FRMD5: variants seen among roughly 807,000 people sequenced by gnomAD.
The protein encoded by FRMD5 is FERM domain containing 5, also known as FERM domain-containing protein 5.
A neutral mutation model predicts 69.0 loss-of-function variants in FRMD5; 20 were observed. That is an observed-to-expected ratio of 0.29 (90% CI 0.20 to 0.42). The LOEUF (loss-of-function observed/expected upper bound fraction) is 0.42, where lower values mean the gene tolerates loss of function less well. Among genes scored for constraint, FRMD5 ranks in the 10% least tolerant of loss-of-function variants. The pLI is 1.00. For missense variants in FRMD5, 595 were observed against 708.6 expected (o/e 0.84, Z 1.82); for synonymous variants, 271 against 260.1 (o/e 1.04, Z -0.40).
intron 1 of FRMD5, among the ~76,000 whole-genome samples, chr15:44,119,048 G>A (rs190634675): frequency 3.9e-5 from 6 of 152,112 alleles, no homozygotes; most frequent in Admixed American, 6.5e-5. Flanking sequence ...CTGCAGCCTC[G>A]ACCTCGTGGG....
intron 1 of FRMD5, among the ~76,000 whole-genome samples, chr15:43,935,016 C>T (rs2089735835): frequency 6.6e-6 from 1 of 152,218 alleles, no homozygotes; most frequent in Non-Finnish European, 1.5e-5. Context: ...TCCCTTGCAA[C>T]CTCATCTCAC....
chr15:43,918,235 T>G (rs1051639711), intron 4 of FRMD5, among the ~76,000 whole-genome samples: 3 of 152,038 alleles, frequency 2.0e-5, no homozygotes, highest in Non-Finnish European at 4.4e-5. Flanking sequence ...ACCAGCCTGG[T>G]TAACATGGTG....
In FRMD5 at chr15:44,137,714, G is replaced by T. The variant is rs991655428; in HGVS notation, c.102+57239C>A. ...ATTATTTAGAATAAATATTTCCAAGGACTATAAATGGAACAGAAACAGAAA... is the reference window on the plus strand; with the variant it reads ...ATTATTTAGAATAAATATTTCCAAGTACTATAAATGGAACAGAAACAGAAA... On this transcript the variant is annotated intron_variant, in intron 1 of 13. Transcript: ENST00000417257. Among the ~76,000 whole-genome samples, 11 of 151,958 alleles carry T rather than the reference G, an allele frequency of 7.2e-5. No individual in the cohort carries two copies. In the South Asian group the frequency reaches 2.3e-3, roughly 32 times the overall value.
At chr15:43,999,967 T>TATATGTAATGC (rs55916455) in intron 1 of FRMD5, among the ~76,000 whole-genome samples, 1 of 42,024 alleles carries the variant, frequency 2.4e-5, no homozygotes, top group Non-Finnish European at 5.4e-5. Flanking sequence ...TATATATATA[T>TATATGTAATGC]ATATATATAT....
chr15:43,952,878 T>C (rs1316208698), intron 1 of FRMD5, among the ~76,000 whole-genome samples: 2 of 152,236 alleles, frequency 1.3e-5, no homozygotes, highest in South Asian at 2.1e-4. Flanking sequence ...AGGAAAACTG[T>C]AAGTCAGCAG....
At chr15:44,108,511 G>T (rs1454988923) in intron 1 of FRMD5, among the ~76,000 whole-genome samples, 1 of 152,022 alleles carries the variant, frequency 6.6e-6, no homozygotes, top group East Asian at 1.9e-4. Context: ...GAGCGTGGTG[G>T]GTGCATGCCT....
intron 4 of FRMD5, among the ~76,000 whole-genome samples, chr15:43,914,667 G>A (rs1205259629): frequency 6.6e-6 from 1 of 150,504 alleles, no homozygotes; most frequent in Non-Finnish European, 1.5e-5. Context: ...TTTACTGAGT[G>A]CATGCTGTGT....
intron 1 of FRMD5, among the ~76,000 whole-genome samples, chr15:44,015,997 G>C (rs541806611): frequency 1.3e-5 from 2 of 152,134 alleles, no homozygotes; most frequent in Non-Finnish European, 2.9e-5. Context: ...AGAAGTTCCC[G>C]GTTTACAGAT....
At chr15:44,027,666 T>G (rs1349627080) in intron 1 of FRMD5, among the ~76,000 whole-genome samples, 90 of 149,218 alleles carry the variant, frequency 6.0e-4, no homozygotes, top group Admixed American at 1.6e-3. Context: ...TTTTTTTTTT[T>G]CCGAGACAGA....
chr15:44,195,768 G>T (rs1015371392), upstream of FRMD5, among the ~76,000 whole-genome samples: 1 of 152,316 alleles, frequency 6.6e-6, no homozygotes, highest in East Asian at 1.9e-4. Flanking sequence ...TGGCCCGTCT[G>T]GCCTCTGTGC....
chr15:43,903,234 G>A (rs975614963), intron 6 of FRMD5, among the ~76,000 whole-genome samples: 3 of 152,236 alleles, frequency 2.0e-5, no homozygotes, highest in Admixed American at 1.3e-4. Flanking sequence ...CTTCAGTGAG[G>A]AGGGGTGGGC....
Position 43,892,078 on chromosome 15 carries a change from C to G in FRMD5, c.640-9G>C. 6.2e-7 allele frequency: 1 copy of G among 1,613,252 alleles called. No homozygotes were observed. Among genetic ancestry groups the G allele is most frequent in the Non-Finnish European group, 8.5e-7 (1 of 1,179,310 alleles). On this transcript the variant is annotated splice_polypyrimidine_tract_variant and intron_variant, in intron 7 of 13. Coordinates refer to ENST00000417257, the MANE Select transcript of FRMD5 (RefSeq NM_032892.5). ...GCATTTCCTGACACGTCCTGCAACA[C>G]AGAAAGACTTCTCATCGGGTGATGC...
Position 44,043,527 on chromosome 15 carries a change from C to T in FRMD5, c.103-119218G>A, listed in dbSNP as rs539184783. 2.3e-4 allele frequency among the ~76,000 whole-genome samples: 35 copies of T among 152,260 alleles called. No homozygotes were observed. In the South Asian group the frequency reaches 7.1e-3, roughly 31 times the overall value. ...TCACGCTACCTGACTTCAAACTATA[C>T]TACAAGGCTACAGTAACAAAAACAG... On this transcript the variant is annotated intron_variant, in intron 1 of 13. Coordinates refer to ENST00000417257, the MANE Select transcript of FRMD5 (RefSeq NM_032892.5).
At chr15:44,160,703 C>G (rs1188970147) in intron 1 of FRMD5, among the ~76,000 whole-genome samples, 3 of 152,174 alleles carry the variant, frequency 2.0e-5, no homozygotes, top group East Asian at 1.9e-4. Context: ...TTGAAGAAAG[C>G]TTTTCAAGCT....
At chr15:44,023,495 T>C (rs117842642) in intron 1 of FRMD5, among the ~76,000 whole-genome samples, 3,829 of 152,334 alleles carry the variant, frequency 0.025, 93 homozygotes, top group South Asian at 0.081. Flanking sequence ...TACGGAACTT[T>C]CTTTGTGGGA....
chr15:43,885,276 A>C (rs2088635776), intron 11 of FRMD5, among the ~76,000 whole-genome samples: 1 of 152,118 alleles, frequency 6.6e-6, no homozygotes, highest in South Asian at 2.1e-4. Context: ...GAGCTTAAGC[A>C]ATTCTCCCAC....
At chr15:43,986,572 C>T (rs1215498830) in intron 1 of FRMD5, among the ~76,000 whole-genome samples, 4 of 152,182 alleles carry the variant, frequency 2.6e-5, no homozygotes, top group Non-Finnish European at 5.9e-5. Flanking sequence ...TTTCATGACA[C>T]TGAAAGCACA....
intron 1 of FRMD5, among the ~76,000 whole-genome samples, chr15:44,159,811 G>A (rs2077584773): frequency 6.6e-6 from 1 of 152,196 alleles, no homozygotes; most frequent in Non-Finnish European, 1.5e-5. Context: ...GCAACAAATA[G>A]CAGCTGAGAT....
rs1305851314 is a variant in FRMD5 at position 44,194,739 on chromosome 15, G to C, written c.102+214C>G. 5 of 652,050 alleles carry C rather than the reference G, an allele frequency of 7.7e-6. No homozygotes were observed. The East Asian group carries it at 1.5e-4, about 19-fold the overall frequency. 40.4% of individuals were successfully genotyped at this position (652,050 alleles called of 1,614,324 possible). A position where few individuals can be genotyped will look rare whatever the true frequency, so the allele number is the denominator to read the frequency against. On this transcript the variant is annotated intron_variant, in intron 1 of 13. Coordinates refer to ENST00000417257, the MANE Select transcript of FRMD5 (RefSeq NM_032892.5). ...TTAGGGGTGTGGGACGCGGAGACTC[G>C]CCCCGCGGCGGCGGTGACACACCGG...
Sources: gnomAD v4.1 joint callset for allele counts (sites outside exome capture counted in the v4.1 genomes callset) on GRCh38, gnomAD v4.1.1 for gene constraint, MANE v1.5 for transcripts, NCBI Gene and HGNC (gene_info 2026-07-23, HGNC 2026-07-21) for gene names.